Variants in TLK1 observed in about 807,000 individuals in gnomAD.
The protein encoded by TLK1 is serine/threonine-protein kinase tousled-like 1.
Under a neutral mutation model 105.3 loss-of-function variants are expected in TLK1, and 24 were observed. The observed-to-expected ratio is 0.23, with a 90% CI of 0.17 to 0.32. TLK1 has a LOEUF of 0.32. Ranked by LOEUF, TLK1 falls within the 10% of genes least tolerant of loss-of-function variation. The pLI is 1.00. For missense variants in TLK1, 558 were observed against 910.5 expected (o/e 0.61, Z 4.98); for synonymous variants, 321 against 310.4 (o/e 1.03, Z -0.36).
intron 5 of TLK1, 74 bp from the exon 6 acceptor site, chr2:171,056,640 G>A: frequency 2.5e-6 from 3 of 1,196,830 alleles, no homozygotes; most frequent in Non-Finnish European, 3.6e-6. Flanking sequence ...ATGACATTAA[G>A]AATTAATCTA....
chr2:171,052,907 G>A (rs2105434027), intron 8 of TLK1, among the ~76,000 whole-genome samples: 1 of 152,292 alleles, frequency 6.6e-6, no homozygotes, highest in Non-Finnish European at 1.5e-5. Context: ...ATCTGGGAGA[G>A]CCTTTAAAAC....
Position 171,160,461 on chromosome 2 carries a change from T to TGCGACGGCA in TLK1, c.-42_-34dup. 6.3e-7 allele frequency: 1 copy of TGCGACGGCA among 1,581,388 alleles called. No individual in the cohort carries two copies. Among genetic ancestry groups the TGCGACGGCA allele is most frequent in the African/African-American group, 1.4e-5 (1 of 72,216 alleles). The stretch of plus-strand genomic sequence containing the variant: ...CTTTCTGGGAACCCGACTCCCCCCC[T>TGCGACGGCA]GCGACGGCAGCGGCGGCAACGGCAC... On this transcript the variant is annotated 5_prime_UTR_variant, in exon 1 of 21. Coordinates refer to ENST00000431350, the MANE Select transcript of TLK1 (RefSeq NM_012290.5). The surrounding 1 kb of genome is among the most constrained non-coding windows in gnomAD (Gnocchi z 4.4).
At chr2:170,999,120 T>C (rs1684229158) in intron 18 of TLK1, among the ~76,000 whole-genome samples, 1 of 152,228 alleles carries the variant, frequency 6.6e-6, no homozygotes, top group African/African-American at 2.4e-5. Context: ...TCTCCAGTTA[T>C]AAGTAAAAGA....
rs536623348 is a variant in TLK1, at chr2:171,137,718, G to A, written c.140-19861C>T. On this transcript the variant is annotated intron_variant, in intron 1 of 20. Transcript: ENST00000431350. Reference sequence around the variant, plus strand: ...CAAAAAATTAGCCGGGTGTGGCAGCGTGTGCCTGTAGTCCCAGCTACTCGG... The same window carrying A: ...CAAAAAATTAGCCGGGTGTGGCAGCATGTGCCTGTAGTCCCAGCTACTCGG... Among the ~76,000 whole-genome samples the A allele has an allele frequency of 9.9e-5, 15 of 152,004 alleles. No homozygotes were observed. The South Asian group carries it at 2.7e-3, about 27-fold the overall frequency.
At chr2:171,149,800 G>A (rs1382228115) in intron 1 of TLK1, among the ~76,000 whole-genome samples, 1 of 152,006 alleles carries the variant, frequency 6.6e-6, no homozygotes, top group Non-Finnish European at 1.5e-5. Flanking sequence ...CAGCTACTTG[G>A]GAGGCTGAGA....
At chr2:171,023,071 T>C (rs1685602435) in intron 12 of TLK1, 1 of 470,998 alleles carries the variant, frequency 2.1e-6, no homozygotes, top group Non-Finnish European at 4.4e-6. Context: ...TCTTTGCAGG[T>C]GCCAATATCG....
At chr2:170,996,628 A>C (rs558479097) in intron 20 of TLK1, 25 bp downstream of exon 20, 2 of 1,588,018 alleles carry the variant, frequency 1.3e-6, no homozygotes, top group Non-Finnish European at 1.7e-6. Context: ...TTACTTCACA[A>C]AACTCATTTA....
At chr2:171,036,675 T>C (rs903290133) in intron 11 of TLK1, among the ~76,000 whole-genome samples, 2 of 152,220 alleles carry the variant, frequency 1.3e-5, no homozygotes, top group African/African-American at 2.4e-5. Flanking sequence ...AGGAGGTAAC[T>C]TGCTTCTCGA....
At chr2:171,187,077 A>G (rs13013522) in intron 1 of TLK1, among the ~76,000 whole-genome samples, 11 of 129,294 alleles carry the variant, frequency 8.5e-5, no homozygotes, top group Admixed American at 4.0e-4. Context: ...AAAAAAAAAA[A>G]AAAAAAGAAA....
intron 14 of TLK1, among the ~76,000 whole-genome samples, chr2:171,009,582 C>T (rs995224024): frequency 6.6e-6 from 1 of 152,096 alleles, no homozygotes; most frequent in Non-Finnish European, 1.5e-5. Flanking sequence ...GCTAGGATTA[C>T]AGGTGTGAGC....
At chr2:171,174,858 G>T (rs1692791134) in intron 1 of TLK1, among the ~76,000 whole-genome samples, 1 of 151,590 alleles carries the variant, frequency 6.6e-6, no homozygotes, top group East Asian at 1.9e-4. Flanking sequence ...TTTTAAGGGA[G>T]ATTTAGAATA....
At chr2:171,000,868 C>T (rs181030027) in intron 18 of TLK1, among the ~76,000 whole-genome samples, 129 of 152,306 alleles carry the variant, frequency 8.5e-4, no homozygotes, top group African/African-American at 2.9e-3. Context: ...AACCTGTTTT[C>T]TGGCAGTGCC....
chr2:171,018,503 C>G (rs1266779421), intron 12 of TLK1, among the ~76,000 whole-genome samples: 1 of 152,218 alleles, frequency 6.6e-6, no homozygotes, highest in African/African-American at 2.4e-5. Context: ...AAAGATCTAT[C>G]CAGTAGGCTA....
chr2:171,201,894 C>T (rs991419405), intron 1 of TLK1, among the ~76,000 whole-genome samples: 5 of 143,104 alleles, frequency 3.5e-5, no homozygotes. Flanking sequence ...CATTTATCAG[C>T]TATCATCTAT....
intron 1 of TLK1, among the ~76,000 whole-genome samples, chr2:171,150,136 C>T (rs1011662746): frequency 1.3e-5 from 2 of 152,082 alleles, no homozygotes; most frequent in African/African-American, 4.8e-5. Context: ...GAGTTGAACC[C>T]TACCTGGTTC....
intron 12 of TLK1, among the ~76,000 whole-genome samples, chr2:171,019,398 T>C (rs914483874): frequency 6.6e-6 from 1 of 152,180 alleles, no homozygotes; most frequent in Non-Finnish European, 1.5e-5. Context: ...TTTGGAGCAT[T>C]TCTCATAATG....
intron 14 of TLK1, among the ~76,000 whole-genome samples, chr2:171,008,228 CTG>C (rs1021689612): frequency 1.8e-4 from 28 of 152,188 alleles, no homozygotes; most frequent in African/African-American, 6.7e-4. Context: ...CTGAGTGACT[CTG>C]TGCTAATACC....
chr2:171,003,197 C>T (rs1056436547), intron 18 of TLK1, among the ~76,000 whole-genome samples: 2 of 140,632 alleles, frequency 1.4e-5, no homozygotes, highest in Admixed American at 1.5e-4. Context: ...GGGTGTGGAC[C>T]CGGGAGGCGG....
chr2:171,138,187 C>G (rs1214524177), intron 1 of TLK1, among the ~76,000 whole-genome samples: 1 of 152,110 alleles, frequency 6.6e-6, no homozygotes, highest in East Asian at 1.9e-4. Context: ...TTGCTTATAT[C>G]AAGAAGTTTT....
Sources: allele counts gnomAD v4.1 joint callset (sites outside exome capture counted in the v4.1 genomes callset), GRCh38; gene constraint gnomAD v4.1.1; non-coding constraint Gnocchi (gnomAD v3.1); transcripts MANE v1.5; gene names NCBI Gene and HGNC (gene_info 2026-07-23, HGNC 2026-07-21).